ULK4: variants seen among roughly 807,000 people sequenced by gnomAD.
ULK4 encodes unc-51 like kinase 4, also known as inactive serine/threonine-protein kinase ULK4.
Under a neutral mutation model 160.6 loss-of-function variants are expected in ULK4, and 133 were observed. The observed-to-expected ratio is 0.83, with a 90% CI of 0.72 to 0.96. The LOEUF (loss-of-function observed/expected upper bound fraction) is 0.96, where lower values mean the gene tolerates loss of function less well. ULK4 is among the 40% of genes least tolerant of loss of function. The pLI is 0.00. For synonymous variants in ULK4, 534 were observed against 539.8 expected, an observed-to-expected ratio of 0.99 and a Z score of 0.15; for missense variants, 1,580 against 1,499.5, an observed-to-expected ratio of 1.05 and a Z score of -0.89.
chr3:41,592,776 T>C (rs893924243), intron 31 of ULK4, among the ~76,000 whole-genome samples: 1 of 152,234 alleles, frequency 6.6e-6, no homozygotes, highest in African/African-American at 2.4e-5. Flanking sequence ...CTTCTCTTTA[T>C]CATATCACTT....
intron 32 of ULK4, among the ~76,000 whole-genome samples, chr3:41,549,696 T>C (rs1005640643): frequency 5.3e-5 from 8 of 151,956 alleles, no homozygotes; most frequent in African/African-American, 1.5e-4. Context: ...AGCTCAAATA[T>C]TGCCAATCAG....
chr3:41,705,308 G>T lies in ULK4; in HGVS notation c.2635-3C>A. 1 of 1,601,138 alleles carries T rather than the reference G, an allele frequency of 6.2e-7. No homozygotes were observed. The highest frequency in any genetic ancestry group is 1.1e-5 in the South Asian group (1 of 87,948). On this transcript the variant is annotated splice_region_variant and splice_polypyrimidine_tract_variant and intron_variant, in intron 25 of 36. Transcript: ENST00000301831. ...GAGTCTACAGATTTAATATGACTCT[G>T]AAAAAAAATAAATTTTTAATAAATA...
intron 35 of ULK4, among the ~76,000 whole-genome samples, chr3:41,303,557 A>G (rs894517197): frequency 1.3e-5 from 2 of 152,204 alleles, no homozygotes; most frequent in African/African-American, 4.8e-5. Context: ...GTAAAATACA[A>G]TCAACTTTTG....
chr3:41,727,449 ACT>A, intron 22 of ULK4, among the ~76,000 whole-genome samples: 1 of 152,346 alleles, frequency 6.6e-6, no homozygotes, highest in Admixed American at 6.5e-5. Context: ...GAGTAAGAAA[ACT>A]AGTCACTTGC....
intron 21 of ULK4, among the ~76,000 whole-genome samples, chr3:41,763,579 T>C (rs575500264): frequency 7.9e-5 from 12 of 152,374 alleles, no homozygotes; most frequent in South Asian, 2.1e-4. Flanking sequence ...TGTGTGACTA[T>C]AGAAACATTT....
chr3:41,954,787 G>A lies in ULK4; in HGVS notation c.-28C>T. 2 of 1,587,010 alleles carry A rather than the reference G, an allele frequency of 1.3e-6. No individual in the cohort carries two copies. The highest frequency in any genetic ancestry group is 1.7e-6 in the Non-Finnish European group (2 of 1,168,258). On this transcript the variant is annotated 5_prime_UTR_variant, in exon 2 of 37. Coordinates refer to ENST00000301831, the MANE Select transcript of ULK4 (RefSeq NM_017886.4). Reference sequence around the variant, plus strand: ...CTGGGCCGACTTCTCACATACAATAGAATAACAGCATCTCTAGCTCCTAAG... The same window carrying A: ...CTGGGCCGACTTCTCACATACAATAAAATAACAGCATCTCTAGCTCCTAAG...
intron 34 of ULK4, among the ~76,000 whole-genome samples, chr3:41,414,678 A>G (rs2082485784): frequency 6.6e-6 from 1 of 152,220 alleles, no homozygotes; most frequent in African/African-American, 2.4e-5. Flanking sequence ...AAGATTTCCC[A>G]TTAGGCCACC....
intron 22 of ULK4, among the ~76,000 whole-genome samples, chr3:41,721,362 A>ATATT (rs1553639902): frequency 0.024 from 680 of 27,912 alleles, 22 homozygotes; most frequent in Non-Finnish European, 0.033. Flanking sequence ...ATATATATAT[A>ATATT]TTTTTTTTTT....
rs546880278 is a variant in ULK4 at position 41,757,587 on chromosome 3, G to A, written c.2194-3099C>T. On this transcript the variant is annotated intron_variant, in intron 21 of 36. Transcript: ENST00000301831. ...GCGGAGCTTTCAGTGAGCCGATATC[G>A]TGCCACTACACTCCAGCCTGCGCAA... is the stretch of plus-strand genomic sequence containing the variant. Among the ~76,000 whole-genome samples, 19 of 144,454 alleles carry A rather than the reference G, an allele frequency of 1.3e-4. No homozygotes were observed. In the South Asian group the frequency reaches 3.3e-3, roughly 25 times the overall value. 94.8% of individuals were successfully genotyped at this position (144,454 alleles called of 152,430 possible). A position where few individuals can be genotyped will look rare whatever the true frequency, so the allele number is the denominator to read the frequency against.
At chr3:41,522,619 A>G (rs1473337181) in intron 32 of ULK4, among the ~76,000 whole-genome samples, 2 of 152,218 alleles carry the variant, frequency 1.3e-5, no homozygotes, top group East Asian at 3.9e-4. Context: ...TAAAGAAAGA[A>G]AAATGGAAAG....
intron 35 of ULK4, among the ~76,000 whole-genome samples, chr3:41,337,465 G>A (rs1373886796): frequency 1.3e-5 from 2 of 152,070 alleles, no homozygotes; most frequent in African/African-American, 4.8e-5. Context: ...TGGTAGCTGA[G>A]GGGCACACCA....
intron 33 of ULK4, among the ~76,000 whole-genome samples, chr3:41,461,083 T>C (rs774009082): frequency 3.9e-5 from 6 of 152,144 alleles, no homozygotes; most frequent in Admixed American, 1.3e-4. Flanking sequence ...TTTTAAATCA[T>C]GGGGAAGGTA....
chr3:41,911,156 C>T (rs1175710190), intron 11 of ULK4, among the ~76,000 whole-genome samples, 161 bp downstream of exon 11: 3 of 152,152 alleles, frequency 2.0e-5, no homozygotes, highest in Non-Finnish European at 2.9e-5. Flanking sequence ...TCACTGGCCA[C>T]GACCTAACTG....
At chr3:41,766,833 G>A (rs1027825642) in intron 21 of ULK4, 1 of 152,178 alleles carries the variant, frequency 6.6e-6, no homozygotes, top group Non-Finnish European at 1.5e-5. Context: ...GGAGGAAGGG[G>A]ACATCTGCCT....
rs1287651971 is a variant in ULK4 at position 41,620,330 on chromosome 3, T to C, written c.3072-4613A>G. Among the ~76,000 whole-genome samples, 6 of 151,254 alleles carry C rather than the reference T, an allele frequency of 4.0e-5. No individual in the cohort carries two copies. In the South Asian group the frequency reaches 1.2e-3, roughly 31 times the overall value. ...AAAAACAACAACAAAAAATTTCAGG[T>C]CAATATCCCTGATGAACATCAATGT... is the stretch of plus-strand genomic sequence containing the variant. On this transcript the variant is annotated intron_variant, in intron 30 of 36. Transcript: ENST00000301831.
chr3:41,517,228 G>A (rs1462389042), intron 32 of ULK4, among the ~76,000 whole-genome samples: 2 of 41,294 alleles, frequency 4.8e-5, no homozygotes, highest in Non-Finnish European at 2.5e-4. Context: ...ATCAAATGCT[G>A]GCAAAAATGT....
rs757625032 is a variant in ULK4 at position 41,954,795 on chromosome 3, G to A, written c.-36C>T. The stretch of plus-strand genomic sequence containing the variant: ...ACTTCTCACATACAATAGAATAACA[G>A]CATCTCTAGCTCCTAAGAAGTAAAC... On this transcript the variant is annotated 5_prime_UTR_variant, in exon 2 of 37. Coordinates refer to ENST00000301831, the MANE Select transcript of ULK4 (RefSeq NM_017886.4). 1.3e-6 allele frequency: 2 copies of A among 1,581,156 alleles called. No individual in the cohort carries two copies. Among genetic ancestry groups the A allele is most frequent in the African/African-American group, 1.4e-5 (1 of 73,542 alleles).
At chr3:41,311,878 A>ATG (rs1491212977) in intron 35 of ULK4, among the ~76,000 whole-genome samples, 9 of 43,450 alleles carry the variant, frequency 2.1e-4, no homozygotes, top group African/African-American at 9.8e-4. Flanking sequence ...AACTCTCCTC[A>ATG]TATATATATA....
intron 22 of ULK4, among the ~76,000 whole-genome samples, chr3:41,754,036 C>A (rs1409243667): frequency 2.6e-5 from 4 of 152,156 alleles, no homozygotes; most frequent in Non-Finnish European, 4.4e-5. Flanking sequence ...GGGGAAACCA[C>A]TCCCATGATC....
Sources: allele counts gnomAD v4.1 joint callset (sites outside exome capture counted in the v4.1 genomes callset), GRCh38; gene constraint gnomAD v4.1.1; transcripts MANE v1.5; gene names NCBI Gene and HGNC (gene_info 2026-07-23, HGNC 2026-07-21).